Variants in IQSEC3 observed in about 807,000 individuals in gnomAD.
The protein encoded by IQSEC3 is IQ motif and SEC7 domain-containing protein 3.
Under a neutral mutation model 105.4 loss-of-function variants are expected in IQSEC3, and 50 were observed. The ratio of observed to expected loss-of-function variants is 0.47; its 90% confidence interval spans 0.38 to 0.60. The LOEUF (loss-of-function observed/expected upper bound fraction) is 0.60. Ranked by LOEUF, IQSEC3 falls within the 20% of genes least tolerant of loss-of-function variation. The pLI, the probability that IQSEC3 is intolerant of heterozygous loss-of-function variation, is 0.00. For synonymous variants in IQSEC3, 708 were observed against 746.0 expected (o/e 0.95, Z 0.83); for missense variants, 1,415 against 1,630.0 (o/e 0.87, Z 2.27).
At chr12:160,257 A>G (rs781997430) in intron 7 of IQSEC3, among the ~76,000 whole-genome samples, 4 of 151,120 alleles carry the variant, frequency 2.6e-5, no homozygotes, top group Non-Finnish European at 4.4e-5. Context: ...TTGTTCATTC[A>G]TATTTAAGAG....
At chr12:133,473 G>C (rs1445387156) in intron 3 of IQSEC3, among the ~76,000 whole-genome samples, 1 of 152,234 alleles carries the variant, frequency 6.6e-6, no homozygotes, top group Non-Finnish European at 1.5e-5. Context: ...CCCTGGGGCT[G>C]AGTGACAAGC....
chr12:127,388 G>A (rs1017970884), intron 3 of IQSEC3, among the ~76,000 whole-genome samples: 32 of 152,096 alleles, frequency 2.1e-4, no homozygotes, highest in Non-Finnish European at 3.8e-4. Context: ...GCGTGGTGGC[G>A]CATGCCTGTA....
intron 12 of IQSEC3, among the ~76,000 whole-genome samples, chr12:169,454 A>G (rs1938853379): frequency 6.6e-6 from 1 of 152,126 alleles, no homozygotes; most frequent in Non-Finnish European, 1.5e-5. Context: ...AGGCGAGGTC[A>G]AGAGAAGCCC....
intron 3 of IQSEC3, among the ~76,000 whole-genome samples, chr12:133,277 C>T (rs1004865922): frequency 6.6e-6 from 1 of 152,154 alleles, no homozygotes; most frequent in Admixed American, 6.5e-5. Flanking sequence ...CCAGAGTGTA[C>T]GGGGAAAATT....
rs150248047 is a variant in IQSEC3, at chr12:95,889, T to C, written c.555-3257T>C. Among the ~76,000 whole-genome samples, 475 of 152,314 alleles carry C rather than the reference T, an allele frequency of 3.1e-3. 4 individuals carry two copies. Among genetic ancestry groups the C allele is most frequent in the African/African-American group, 0.011 (456 of 41,566 alleles). ...CAATCATTTCCTGATTGATGAGGAC[T>C]TGGGCTGTTTGCATTTCCCCCCTCC... On this transcript the variant is annotated intron_variant, in intron 1 of 13. Coordinates refer to ENST00000538872, the MANE Select transcript of IQSEC3 (RefSeq NM_001170738.2).
intron 1 of IQSEC3, among the ~76,000 whole-genome samples, chr12:88,191 G>C (rs1863977435): frequency 1.3e-5 from 2 of 152,148 alleles, no homozygotes; most frequent in Admixed American, 6.5e-5. Context: ...AACCAAATCA[G>C]AGCTTCATTA....
At chr12:103,876 A>AGGCGGGGCTCGGGGGGG (rs1864546516) in intron 2 of IQSEC3, among the ~76,000 whole-genome samples, 1 of 12,640 alleles carries the variant, frequency 7.9e-5, no homozygotes, top group Non-Finnish European at 1.6e-4. Context: ...TCGGGAGGGG[A>AGGCGGGGCTCGGGGGGG]GGCGGGGGCT....
rs78322801 is a variant in IQSEC3, at chr12:159,379, C to T, written c.2443+1685C>T. 6.8e-3 allele frequency among the ~76,000 whole-genome samples: 1,038 copies of T among 152,360 alleles called. 12 individuals carry two copies. The highest frequency in any genetic ancestry group is 0.023 in the African/African-American group (961 of 41,586). On this transcript the variant is annotated intron_variant, in intron 7 of 13. Transcript: ENST00000538872. ...GGCCCTCCTTCCCTTGCTCTCATGA[C>T]AGATTCCTGGTTCCTGCATGTCAGA... is the stretch of plus-strand genomic sequence containing the variant.
At chr12:135,635 A>G (rs1288763053) in intron 3 of IQSEC3, among the ~76,000 whole-genome samples, 3 of 152,226 alleles carry the variant, frequency 2.0e-5, no homozygotes, top group Admixed American at 6.5e-5. Flanking sequence ...AACATCACCC[A>G]GGGTGGGTCT....
Position 163,627 on chromosome 12 carries a change from G to A in IQSEC3, c.2709+8G>A, listed in dbSNP as rs368416394. The A allele has an allele frequency of 5.1e-5, 73 of 1,424,108 alleles. 1 individual carries two copies. In the African/African-American group the frequency reaches 9.1e-4, roughly 18 times the overall value. 88.2% of individuals were successfully genotyped at this position (1,424,108 alleles called of 1,614,324 possible). ...TTCAATGACCTGCTGGTGGTGAGTG[G>A]CCTCCGCTCCGGGACTGGGCTGGGC... On this transcript the variant is annotated splice_region_variant and intron_variant, in intron 9 of 13. Transcript: ENST00000538872.
Position 117,641 on chromosome 12 carries a change from C to T in IQSEC3, c.624-7992C>T, listed in dbSNP as rs11064567. ...AGGGCTGAGCCCAGAGAAGTGGCTG[C>T]GACCCTTTGACAGGAACACTCTAGA... On this transcript the variant is annotated intron_variant, in intron 2 of 13. Transcript: ENST00000538872. Among the ~76,000 whole-genome samples the T allele has an allele frequency of 5.8e-4, 88 of 152,084 alleles. 1 individual carries two copies. The highest frequency in any genetic ancestry group is 3.1e-4 in the Non-Finnish European group (21 of 67,986).
At position 138,040 on chromosome 12, in the gene IQSEC3, C is replaced by T. The variant is rs1865840774; in HGVS notation, c.904-227C>T. On this transcript the variant is annotated intron_variant, in intron 3 of 13. Transcript: ENST00000538872. This position sits in a 1 kb window ranked among gnomAD's most constrained non-coding sequence, Gnocchi z 7.1. ...AGCACCTCCCTCCTGGCCCTTGAGACATCACTAGTCCCCAGAACGGACCCC... is the reference window on the plus strand; with the variant it reads ...AGCACCTCCCTCCTGGCCCTTGAGATATCACTAGTCCCCAGAACGGACCCC... Among the ~76,000 whole-genome samples, 4 of 152,134 alleles carry T rather than the reference C, an allele frequency of 2.6e-5. No homozygotes were observed. The highest frequency in any genetic ancestry group is 2.0e-4 in the Admixed American group (3 of 15,278).
At chr12:88,017 C>T (rs1226263928) in intron 1 of IQSEC3, among the ~76,000 whole-genome samples, 2 of 152,146 alleles carry the variant, frequency 1.3e-5, no homozygotes, top group African/African-American at 2.4e-5. Context: ...GGGAGGGGCA[C>T]GCAGCACCTC....
chr12:135,704 T>C (rs1306100747), intron 3 of IQSEC3, among the ~76,000 whole-genome samples: 2 of 152,244 alleles, frequency 1.3e-5, no homozygotes, highest in Non-Finnish European at 1.5e-5. Flanking sequence ...ACTGTGCCGT[T>C]AGCCTTGAAG....
At chr12:165,658 A>G (rs972758739) in intron 10 of IQSEC3, 71 bp from the exon 11 acceptor site, 3 of 1,597,724 alleles carry the variant, frequency 1.9e-6, no homozygotes, top group Admixed American at 1.7e-5. Context: ...TGCCCTCCTC[A>G]TGTCTGGCTG....
At position 67,336 on chromosome 12, in the gene IQSEC3, G is replaced by A. The variant is rs1311425538; in HGVS notation, c.454G>A (p.Glu152Lys). 1.9e-6 allele frequency: 3 copies of A among 1,598,180 alleles called. No individual in the cohort carries two copies. The highest frequency in any genetic ancestry group is 4.5e-5 in the East Asian group (2 of 44,894). The change falls in exon 1 of 14, where the codon GAG becomes AAG. Residue 152 changes from glutamate (E) to lysine (K), a missense_variant. Glu to Lys is a moderately conservative substitution (Grantham distance 56). This residue lies in a region of IQSEC3 where 26 missense variants were observed against 108.1 expected (regional missense o/e 0.24). Coordinates refer to ENST00000538872, the MANE Select transcript of IQSEC3 (RefSeq NM_001170738.2). ...LGTQGAVTDKEKERPPSCCAA... is the reference protein window; with the variant it reads ...LGTQGAVTDKKKERPPSCCAA... ...GACACAAGGGGCCGTGACTGACAAG[G>A]AGAAGGAGCGTCCCCCGAGTTGCTG...
At chr12:148,132 C>T (rs1316463688) in intron 5 of IQSEC3, 1 of 152,222 alleles carries the variant, frequency 6.6e-6, no homozygotes, top group African/African-American at 2.4e-5. Context: ...CCAAGAGGCT[C>T]CATGACTTGA....
intron 2 of IQSEC3, among the ~76,000 whole-genome samples, chr12:102,942 G>A (rs191148906): frequency 6.6e-6 from 1 of 152,228 alleles, no homozygotes; most frequent in African/African-American, 2.4e-5. Context: ...CCCCTAGGAA[G>A]GCAATGTATG....
intron 3 of IQSEC3, among the ~76,000 whole-genome samples, chr12:135,591 T>A (rs1210780070): frequency 2.0e-5 from 3 of 152,212 alleles, no homozygotes; most frequent in Non-Finnish European, 4.4e-5. Context: ...AATGATTAGG[T>A]TACCAATTGG....
Sources: allele counts gnomAD v4.1 joint callset (sites outside exome capture counted in the v4.1 genomes callset), GRCh38; gene constraint gnomAD v4.1.1; regional missense constraint gnomAD v4.1.1; non-coding constraint Gnocchi (gnomAD v3.1); transcripts MANE v1.5; gene names NCBI Gene and HGNC (gene_info 2026-07-23, HGNC 2026-07-21).